The following FBN2 variants were observed in gnomAD, a reference collection of about 807,000 sequenced individuals.
The protein encoded by FBN2 is fibrillin-2.
In FBN2, 105 loss-of-function variants were observed where a neutral mutation model predicts 355.6. The observed-to-expected ratio is 0.30, with a 90% CI of 0.25 to 0.35. The LOEUF is 0.35. Ranked by LOEUF, FBN2 falls within the 10% of genes least tolerant of loss-of-function variation. FBN2 has a pLI of 1.00. For missense variants in FBN2, 3,280 were observed against 3,758.7 expected, an observed-to-expected ratio of 0.87 and a Z score of 3.33; for synonymous variants, 1,350 against 1,301.2, an observed-to-expected ratio of 1.04 and a Z score of -0.81.
chr5:128,455,707 G>C lies in FBN2; in HGVS notation c.826+9017C>G, dbSNP rs562802948. ...CCACTTGAGAGCCACACGGGGATGG[G>C]AAACCCCCTCCCCGCAGCTAAGGGA... On this transcript the variant is annotated intron_variant, in intron 6 of 64. Transcript: ENST00000262464. 2.8e-4 allele frequency among the ~76,000 whole-genome samples: 43 copies of C among 152,036 alleles called. No individual in the cohort carries two copies. In the South Asian group the frequency reaches 5.4e-3, roughly 19 times the overall value.
intron 48 of FBN2, among the ~76,000 whole-genome samples, chr5:128,294,525 C>A (rs935796416): frequency 2.6e-5 from 4 of 151,134 alleles, no homozygotes; most frequent in African/African-American, 7.3e-5. Context: ...TTAATGATTG[C>A]CATTCTAACT....
At chr5:128,263,682 T>TA (rs1424615186) in intron 62 of FBN2, 26 bp from the exon 63 acceptor site, 3 of 1,578,574 alleles carry the variant, frequency 1.9e-6, no homozygotes, top group South Asian at 2.2e-5. Context: ...AAGAAACTCT[T>TA]ACACGGGGAA....
At chr5:128,445,807 T>C (rs1000301779) in intron 7 of FBN2, among the ~76,000 whole-genome samples, 8 of 152,280 alleles carry the variant, frequency 5.3e-5, no homozygotes, top group Admixed American at 5.2e-4. Flanking sequence ...TTGAATTTTA[T>C]AAAAATGATA....
chr5:128,487,625 A>G (rs1561481256), intron 5 of FBN2, among the ~76,000 whole-genome samples: 1 of 152,202 alleles, frequency 6.6e-6, no homozygotes, highest in South Asian at 2.1e-4. Context: ...TCTATTACCT[A>G]GCACAGTGAC....
rs140313460 is a variant in FBN2, at chr5:128,318,224, C to T, written c.4642G>A (p.Val1548Ile). The part of the protein sequence containing the change: ...DPINCVNGLC[V>I]NTPGRYECNC... ...CACTCATAGCGACCAGGCGTGTTGA[C>T]ACATAGGCCATTGACACAGTTTATA... The change falls in exon 36 of 65, where the codon GTC (valine) becomes ATC (isoleucine). Residue 1548 changes from valine (V) to isoleucine (I), a missense_variant. This residue lies in a region of FBN2 where 2,284 missense variants were observed against 2,749.5 expected (regional missense o/e 0.83). Transcript: ENST00000262464. 1.3e-4 allele frequency: 203 copies of T among 1,613,980 alleles called. 1 individual carries two copies. Among genetic ancestry groups the T allele is most frequent in the South Asian group, 5.7e-4 (52 of 91,070 alleles).
At chr5:128,537,120 C>G (rs1015609649) in intron 1 of FBN2, among the ~76,000 whole-genome samples, 9 of 152,144 alleles carry the variant, frequency 5.9e-5, no homozygotes, top group African/African-American at 2.2e-4. Flanking sequence ...ACCCCCTAAC[C>G]ACCCGCCGCC....
intron 38 of FBN2, 87 bp downstream of exon 38, chr5:128,311,798 C>G (rs1033450914): frequency 2.2e-6 from 2 of 913,746 alleles, no homozygotes; most frequent in African/African-American, 3.2e-5. Flanking sequence ...CTTGTCGGGG[C>G]TGCTCTGCCC....
At chr5:128,282,587 A>G (rs1748992889) in intron 55 of FBN2, among the ~76,000 whole-genome samples, 1 of 152,104 alleles carries the variant, frequency 6.6e-6, no homozygotes, top group Non-Finnish European at 1.5e-5. Flanking sequence ...AAATTCTTAG[A>G]TTAATTTTGC....
chr5:128,439,323 C>G (rs1212960464), intron 7 of FBN2, among the ~76,000 whole-genome samples: 2 of 152,028 alleles, frequency 1.3e-5, no homozygotes, highest in Non-Finnish European at 2.9e-5. Flanking sequence ...CTAAATTGCC[C>G]TCTATATAGG....
intron 7 of FBN2, among the ~76,000 whole-genome samples, chr5:128,426,868 C>T (rs1332302405): frequency 6.6e-6 from 1 of 152,138 alleles, no homozygotes. Context: ...CTTTTCCTTC[C>T]CAGTCTCCTT....
At chr5:128,393,465 T>C in intron 9 of FBN2, 97 bp from the exon 10 acceptor site, 1 of 907,502 alleles carries the variant, frequency 1.1e-6, no homozygotes, top group Non-Finnish European at 1.8e-6. Context: ...GGGTTACCTA[T>C]ACTACACAAT....
chr5:128,468,634 T>C (rs1342438549), intron 5 of FBN2, among the ~76,000 whole-genome samples: 2 of 152,220 alleles, frequency 1.3e-5, no homozygotes, highest in East Asian at 3.8e-4. Context: ...TTTGCTGTTT[T>C]CTACAATTTT....
intron 55 of FBN2, among the ~76,000 whole-genome samples, chr5:128,284,793 G>C (rs1392916853): frequency 1.3e-5 from 2 of 152,176 alleles, no homozygotes; most frequent in African/African-American, 4.8e-5. Context: ...TAGAAGACTA[G>C]TTTGTTGATA....
chr5:128,370,041 T>A lies in FBN2; in HGVS notation c.2096-707A>T, dbSNP rs1197644633. Among the ~76,000 whole-genome samples the A allele has an allele frequency of 2.0e-5, 3 of 152,220 alleles. No homozygotes were observed. In the East Asian group the frequency reaches 5.8e-4, roughly 29 times the overall value. ...CAGCTACCTATGTAGTTTGAAGTCC[T>A]TGAATATCCAGTGCCTGAGTTGGGG... On this transcript the variant is annotated intron_variant, in intron 15 of 64. Coordinates refer to ENST00000262464, the MANE Select transcript of FBN2 (RefSeq NM_001999.4).
chr5:128,455,769 G>GT (rs777610033), intron 6 of FBN2, among the ~76,000 whole-genome samples: 8 of 151,796 alleles, frequency 5.3e-5, no homozygotes, highest in Non-Finnish European at 7.4e-5. Flanking sequence ...CTAGTAAACT[G>GT]TTTTTTCCAG....
rs761606981 is a variant in FBN2, at chr5:128,393,299, G to C, written c.1301C>G (p.Pro434Arg). 1.9e-6 allele frequency: 3 copies of C among 1,614,164 alleles called. No homozygotes were observed. In the South Asian group the frequency reaches 3.3e-5, roughly 18 times the overall value. ...AAAGCCATTTCCCCCAGTGCCTCCA[G>C]GTCTGGAACCAGCACTCCCTGGAAT... is the stretch of plus-strand genomic sequence containing the variant. ...GGIPGSAGSR[P>R]GGTGGNGFAP... The change falls in exon 10 of 65, where the codon CCT becomes CGT. Residue 434 changes from proline (P) to arginine (R), a missense_variant. Around this residue, in one of 6 missense-constraint regions of FBN2, gnomAD observed 343 missense variants for 331.0 expected, o/e 1.04. Transcript: ENST00000262464.
chr5:128,455,770 T>C (rs1467178702), intron 6 of FBN2, among the ~76,000 whole-genome samples: 3 of 151,138 alleles, frequency 2.0e-5, no homozygotes, highest in Non-Finnish European at 3.0e-5. Flanking sequence ...TAGTAAACTG[T>C]TTTTTCCAGG....
intron 36 of FBN2, among the ~76,000 whole-genome samples, 173 bp downstream of exon 36, chr5:128,317,976 G>C (rs142492122): frequency 6.6e-6 from 1 of 152,182 alleles, no homozygotes; most frequent in Non-Finnish European, 1.5e-5. Context: ...TCTCAAGTCC[G>C]TGAGAGGAGG....
intron 55 of FBN2, among the ~76,000 whole-genome samples, chr5:128,286,063 G>A (rs1749138196): frequency 6.6e-6 from 1 of 152,132 alleles, no homozygotes; most frequent in Admixed American, 6.6e-5. Context: ...GAACACATAT[G>A]ACTTAGGAGT....
Sources: gnomAD v4.1 joint callset for allele counts (sites outside exome capture counted in the v4.1 genomes callset) on GRCh38, gnomAD v4.1.1 for gene constraint, gnomAD v4.1.1 regional missense constraint, MANE v1.5 for transcripts, NCBI Gene and HGNC (gene_info 2026-07-23, HGNC 2026-07-21) for gene names.